Variants in DISC1 observed in about 807,000 individuals in gnomAD.
DISC1 encodes DISC1 scaffold protein.
In DISC1, 57 loss-of-function variants were observed where a neutral mutation model predicts 84.5. That is an observed-to-expected ratio of 0.67 (90% CI 0.55 to 0.84). The LOEUF is 0.84. Ranked by LOEUF, DISC1 falls within the 40% of genes least tolerant of loss-of-function variation. The pLI is 0.00. For missense variants in DISC1, 1,000 were observed against 1,057.8 expected (o/e 0.95, Z 0.76); for synonymous variants, 411 against 415.2 (o/e 0.99, Z 0.12).
rs1331324137 is a variant in DISC1 at position 232,031,354 on chromosome 1, G to T, written c.2425+4802G>T. Among the ~76,000 whole-genome samples the T allele has an allele frequency of 1.3e-5, 2 of 148,156 alleles. No individual in the cohort carries two copies. Among genetic ancestry groups the T allele is most frequent in the African/African-American group, 5.0e-5 (2 of 40,104 alleles). ...AGGAAAAGGAAAAGAGGAAAGAAAA[G>T]GAAAGGGAAGGGAGAGGGAAAGGAG... On this transcript the variant is annotated intron_variant, in intron 12 of 12. Coordinates refer to ENST00000439617, the MANE Select transcript of DISC1 (RefSeq NM_018662.3). The surrounding 1 kb of genome is among the most constrained non-coding windows in gnomAD (Gnocchi z 4.6).
chr1:231,788,096 A>G (rs1366580528), intron 6 of DISC1, among the ~76,000 whole-genome samples: 1 of 152,204 alleles, frequency 6.6e-6, no homozygotes, highest in Non-Finnish European at 1.5e-5. Context: ...CAGTCTGGAT[A>G]ATATGGTGAA....
intron 9 of DISC1, among the ~76,000 whole-genome samples, chr1:231,825,282 G>T (rs1300879114): frequency 6.6e-6 from 1 of 150,450 alleles, no homozygotes; most frequent in Non-Finnish European, 1.5e-5. Context: ...ATACCAAATT[G>T]CAACAGGCAG....
chr1:231,874,645 C>T (rs111619488), intron 9 of DISC1, among the ~76,000 whole-genome samples: 7,438 of 151,956 alleles, frequency 0.049, 210 homozygotes, highest in African/African-American at 0.073. Context: ...GGCGTGGTGG[C>T]TCACGCCTGT....
chr1:231,893,406 A>G (rs2087414885), intron 9 of DISC1, among the ~76,000 whole-genome samples: 1 of 152,230 alleles, frequency 6.6e-6, no homozygotes, highest in Non-Finnish European at 1.5e-5. Flanking sequence ...TTCTCAGCAT[A>G]AAATAACAGA....
intron 7 of DISC1, among the ~76,000 whole-genome samples, chr1:231,797,298 A>T (rs1397124430): frequency 1.3e-5 from 2 of 152,206 alleles, no homozygotes; most frequent in Admixed American, 1.3e-4. Context: ...CTACTATTAA[A>T]GATCTTAGAT....
At chr1:231,855,203 C>G in intron 9 of DISC1, 1 of 1,008,318 alleles carries the variant, frequency 9.9e-7, no homozygotes, top group African/African-American at 1.7e-5. Context: ...AAAACTTACA[C>G]CTTATTCTAA....
chr1:231,776,389 GCATTTGGAAGAAA>G (rs2125495654), intron 6 of DISC1, among the ~76,000 whole-genome samples: 1 of 152,302 alleles, frequency 6.6e-6, no homozygotes, highest in South Asian at 2.1e-4. Context: ...CGCTTGTTGT[GCATTTGGAAGAAA>G]CATGTCACAT....
chr1:231,814,556 C>T (rs952809170), intron 8 of DISC1, among the ~76,000 whole-genome samples: 3 of 152,124 alleles, frequency 2.0e-5, no homozygotes, highest in Non-Finnish European at 2.9e-5. Flanking sequence ...TTCCGAAACA[C>T]ATTTGGACTC....
chr1:231,898,976 C>CA (rs1428505505), intron 9 of DISC1, among the ~76,000 whole-genome samples: 10 of 149,812 alleles, frequency 6.7e-5, no homozygotes, highest in African/African-American at 9.8e-5. Context: ...AAAAACCCCA[C>CA]AAAAAACAAA....
chr1:231,755,733 G>A (rs2075048029), intron 4 of DISC1, among the ~76,000 whole-genome samples: 1 of 152,134 alleles, frequency 6.6e-6, no homozygotes, highest in Non-Finnish European at 1.5e-5. Flanking sequence ...GGACTCTGAG[G>A]CATCTCTGGA....
At chr1:231,728,421 A>T (rs1272947605) in intron 3 of DISC1, among the ~76,000 whole-genome samples, 4 of 152,190 alleles carry the variant, frequency 2.6e-5, no homozygotes, top group African/African-American at 9.7e-5. Context: ...CCTCTGGCTT[A>T]GTCCTCATGC....
rs1660006408 is a variant in DISC1, at chr1:231,958,950, G to T, written c.2042+62G>T. 4 of 1,526,872 alleles carry T rather than the reference G, an allele frequency of 2.6e-6. No individual in the cohort carries two copies. The South Asian group carries it at 4.0e-5, about 15-fold the overall frequency. 94.6% of individuals were successfully genotyped at this position (1,526,872 alleles called of 1,614,324 possible). A position where few individuals can be genotyped will look rare whatever the true frequency, so the allele number is the denominator to read the frequency against. ...CACATCTAGATTCTTTATTATAACA[G>T]AATTTAGTTAAATCGATGAAAAAGG... is the stretch of plus-strand genomic sequence containing the variant. On this transcript the variant is annotated intron_variant, in intron 10 of 12. Coordinates refer to ENST00000439617, the MANE Select transcript of DISC1 (RefSeq NM_018662.3).
intron 10 of DISC1, among the ~76,000 whole-genome samples, chr1:232,002,150 TA>T (rs1390493058): frequency 1.3e-5 from 2 of 151,928 alleles, no homozygotes; most frequent in Non-Finnish European, 2.9e-5. Context: ...GAAATGAGGG[TA>T]ATGGAAATTG....
intron 8 of DISC1, among the ~76,000 whole-genome samples, chr1:231,800,628 T>C (rs1236045119): frequency 6.6e-6 from 1 of 152,200 alleles, no homozygotes; most frequent in Non-Finnish European, 1.5e-5. Context: ...CAAAGGATTA[T>C]GCTCCCTCTT....
intron 9 of DISC1, among the ~76,000 whole-genome samples, chr1:231,881,102 A>G (rs2086261336): frequency 1.3e-5 from 2 of 151,546 alleles, no homozygotes; most frequent in Admixed American, 6.5e-5. Flanking sequence ...TTTTATTTAA[A>G]AAAAGTTTAT....
At chr1:232,019,983 A>G (rs1046872024) in intron 11 of DISC1, among the ~76,000 whole-genome samples, 1 of 152,128 alleles carries the variant, frequency 6.6e-6, no homozygotes, top group African/African-American at 2.4e-5. Context: ...GGAAGAGAAC[A>G]CCATGTCTAC....
chr1:231,712,110 G>C (rs867715652), intron 3 of DISC1, among the ~76,000 whole-genome samples: 3 of 152,300 alleles, frequency 2.0e-5, no homozygotes, highest in East Asian at 1.9e-4. Flanking sequence ...GTAGCTCCAA[G>C]CTAAGGAATT....
chr1:231,937,808 G>A (rs1043820217), intron 9 of DISC1, among the ~76,000 whole-genome samples: 1 of 152,034 alleles, frequency 6.6e-6, no homozygotes, highest in Non-Finnish European at 1.5e-5. Flanking sequence ...AAACATGCAT[G>A]TATGTTTGCG....
chr1:232,002,019 G>C (rs917604934), intron 10 of DISC1, among the ~76,000 whole-genome samples: 2 of 152,140 alleles, frequency 1.3e-5, no homozygotes, highest in African/African-American at 4.8e-5. Context: ...AATGTACAAA[G>C]TCTCAAAACC....
Sources: gnomAD v4.1 joint callset for allele counts (sites outside exome capture counted in the v4.1 genomes callset) on GRCh38, gnomAD v4.1.1 for gene constraint, Gnocchi (gnomAD v3.1) non-coding constraint, MANE v1.5 for transcripts, NCBI Gene and HGNC (gene_info 2026-07-23, HGNC 2026-07-21) for gene names.